The following BMPER variants were observed in gnomAD, a reference collection of about 807,000 sequenced individuals.
BMPER encodes the protein BMP binding endothelial regulator, also known as BMP-binding endothelial regulator protein.
In BMPER, 45 loss-of-function variants were observed where a neutral mutation model predicts 87.3. The ratio of observed to expected loss-of-function variants is 0.52; its 90% CI spans 0.41 to 0.66. The LOEUF (loss-of-function observed/expected upper bound fraction) is 0.66. Ranked by LOEUF, BMPER falls within the 30% of genes least tolerant of loss-of-function variation. The pLI is 0.00. For missense variants in BMPER, 784 were observed against 867.5 expected (o/e 0.90, Z 1.21); for synonymous variants, 326 against 316.2 (o/e 1.03, Z -0.33).
intron 6 of BMPER, among the ~76,000 whole-genome samples, chr7:33,985,424 A>G (rs1213927060): frequency 6.6e-6 from 1 of 152,210 alleles, no homozygotes; most frequent in East Asian, 1.9e-4. Flanking sequence ...AAAAATTAAC[A>G]TTTTCAGTTT....
At chr7:34,052,332 C>T (rs184574460) in intron 8 of BMPER, among the ~76,000 whole-genome samples, 1 of 152,302 alleles carries the variant, frequency 6.6e-6, no homozygotes, top group Non-Finnish European at 1.5e-5. Context: ...TAATCACATT[C>T]AAGAGAAGAG....
intron 13 of BMPER, among the ~76,000 whole-genome samples, chr7:34,118,813 A>T (rs1041046221): frequency 1.3e-5 from 2 of 152,154 alleles, no homozygotes; most frequent in African/African-American, 4.8e-5. Flanking sequence ...GAAGGCCTTC[A>T]TAGAAAAAGG....
At chr7:33,930,483 CT>C (rs1784456264) in intron 2 of BMPER, among the ~76,000 whole-genome samples, 1 of 152,184 alleles carries the variant, frequency 6.6e-6, no homozygotes, top group African/African-American at 2.4e-5. Flanking sequence ...TTCCAAGAGA[CT>C]GAGAACAGAC....
chr7:34,024,446 G>GTA (rs1244034478), intron 6 of BMPER, among the ~76,000 whole-genome samples: 1 of 66,186 alleles, frequency 1.5e-5, no homozygotes, highest in Non-Finnish European at 2.5e-5. Context: ...TTGGGGAGGG[G>GTA]TATGGTAAAA....
chr7:34,054,390 T>C (rs1413536192), intron 8 of BMPER, among the ~76,000 whole-genome samples: 3 of 152,320 alleles, frequency 2.0e-5, no homozygotes, highest in Non-Finnish European at 4.4e-5. Flanking sequence ...AATCAAGATA[T>C]GCAGTTTGAC....
chr7:34,119,032 A>G (rs1205902352), intron 13 of BMPER, among the ~76,000 whole-genome samples: 12 of 151,320 alleles, frequency 7.9e-5, no homozygotes, highest in African/African-American at 2.9e-4. Context: ...ACACACACAC[A>G]CACACGCACT....
chr7:33,967,468 A>G (rs144092462), intron 4 of BMPER, among the ~76,000 whole-genome samples: 184 of 152,340 alleles, frequency 1.2e-3, no homozygotes, highest in African/African-American at 4.1e-3. Context: ...TTCCTATTAT[A>G]TGCCATGATA....
chr7:33,956,810 TAATC>T (rs1251976423), intron 3 of BMPER, among the ~76,000 whole-genome samples: 1 of 152,268 alleles, frequency 6.6e-6, no homozygotes, highest in Non-Finnish European at 1.5e-5. Context: ...AAATATGTGT[TAATC>T]AACTATGTTA....
chr7:34,120,962 A>C (rs1583458748), intron 13 of BMPER, among the ~76,000 whole-genome samples: 1 of 151,982 alleles, frequency 6.6e-6, no homozygotes, highest in East Asian at 1.9e-4. Flanking sequence ...TATGTGGAAA[A>C]ATTATGTTAT....
chr7:34,152,143 A>G (rs1277722595), intron 14 of BMPER, among the ~76,000 whole-genome samples: 6 of 152,236 alleles, frequency 3.9e-5, no homozygotes, highest in African/African-American at 1.4e-4. Context: ...TGCAAACAGC[A>G]TAAACAATAG....
chr7:33,970,188 T>C (rs1435161974), intron 4 of BMPER, 141 bp from the exon 5 acceptor site: 2 of 762,362 alleles, frequency 2.6e-6, no homozygotes, highest in African/African-American at 3.4e-5. Flanking sequence ...ACCTCGTTGG[T>C]GTCTCATACC....
intron 2 of BMPER, among the ~76,000 whole-genome samples, chr7:33,934,898 C>G (rs558100496): frequency 6.6e-6 from 1 of 152,296 alleles, no homozygotes; most frequent in Admixed American, 6.5e-5. Flanking sequence ...TAATGAAGTT[C>G]TTTCACAATT....
chr7:34,076,080 G>C (rs919424301), intron 11 of BMPER, among the ~76,000 whole-genome samples: 1 of 152,036 alleles, frequency 6.6e-6, no homozygotes, highest in Non-Finnish European at 1.5e-5. Context: ...TCTTCCATAA[G>C]TTAGGGCCTC....
intron 2 of BMPER, among the ~76,000 whole-genome samples, chr7:33,926,043 C>T (rs1266444400): frequency 6.6e-6 from 1 of 152,172 alleles, no homozygotes; most frequent in Non-Finnish European, 1.5e-5. Flanking sequence ...CATGTTGCAA[C>T]ATGGGAGGTG....
intron 3 of BMPER, among the ~76,000 whole-genome samples, chr7:33,937,780 C>T (rs1183815411): frequency 2.6e-5 from 4 of 152,176 alleles, no homozygotes; most frequent in Non-Finnish European, 5.9e-5. Context: ...CTGCCCACCT[C>T]TGCCAGAGAA....
At chr7:34,048,403 G>A (rs955431597) in intron 7 of BMPER, among the ~76,000 whole-genome samples, 3 of 152,044 alleles carry the variant, frequency 2.0e-5, no homozygotes, top group Non-Finnish European at 4.4e-5. Flanking sequence ...GAAGAACAAA[G>A]CAGAATTGCT....
chr7:34,126,943 C>A (rs1371411706), intron 13 of BMPER, among the ~76,000 whole-genome samples: 3 of 152,166 alleles, frequency 2.0e-5, no homozygotes, highest in Non-Finnish European at 4.4e-5. Flanking sequence ...CAGCAGACAG[C>A]CCAGAGGTAC....
At chr7:34,009,761 T>A (rs970712119) in intron 6 of BMPER, among the ~76,000 whole-genome samples, 3 of 151,912 alleles carry the variant, frequency 2.0e-5, no homozygotes, top group East Asian at 3.9e-4. Context: ...AGTCTCCTCT[T>A]TTGGCTTGTT....
chr7:33,922,349 T>A (rs2128604901), intron 2 of BMPER, among the ~76,000 whole-genome samples: 1 of 152,336 alleles, frequency 6.6e-6, no homozygotes, highest in East Asian at 1.9e-4. Context: ...AGTTTTTCTG[T>A]CTCAGCTTTT....
Sources: gnomAD v4.1 joint callset for allele counts (sites outside exome capture counted in the v4.1 genomes callset) on GRCh38, gnomAD v4.1.1 for gene constraint, MANE v1.5 for transcripts, NCBI Gene and HGNC (gene_info 2026-07-23, HGNC 2026-07-21) for gene names.